Variants in FN1 observed in about 807,000 individuals in gnomAD.
FN1 encodes the protein fibronectin.
A neutral mutation model predicts 297.3 loss-of-function variants in FN1; 106 were observed. That is an observed-to-expected ratio of 0.36 (90% CI 0.30 to 0.42). FN1 has a LOEUF of 0.42. FN1 is among the 10% of genes least tolerant of loss of function. The pLI, the probability that FN1 is intolerant of heterozygous loss-of-function variation, is 1.00. For synonymous variants in FN1, 1,149 were observed against 1,152.6 expected (o/e 1.00, Z 0.06); for missense variants, 2,690 against 3,124.9 (o/e 0.86, Z 3.32).
chr2:215,397,792 T>G lies in FN1; in HGVS notation c.3405A>C (p.Ser1135=). 2 of 1,614,186 alleles carry G rather than the reference T, an allele frequency of 1.2e-6. No individual in the cohort carries two copies. Among genetic ancestry groups the G allele is most frequent in the Admixed American group, 1.7e-5 (1 of 60,028 alleles). Reference sequence around the variant, plus strand: ...TCAAGCCGGACACAACGATGCTTCCTGAGTCTGAAGTCACTTCTCGTGGTG... The same window carrying G: ...TCAAGCCGGACACAACGATGCTTCCGGAGTCTGAAGTCACTTCTCGTGGTG... The part of the protein sequence containing the change: ...GEAPREVTSD[S]GSIVVSGLTP... Residue 1135 remains serine, a synonymous_variant, in exon 22 of 46, where the codon TCA becomes TCC. Coordinates refer to ENST00000354785, the MANE Select transcript of FN1 (RefSeq NM_212482.4).
chr2:215,391,987 A>T (rs2059761801), intron 25 of FN1, 173 bp from the exon 26 acceptor site: 1 of 634,558 alleles, frequency 1.6e-6, no homozygotes, highest in Admixed American at 2.5e-5. Flanking sequence ...TTAAAAATAA[A>T]ACACTACACA....
At chr2:215,428,141 G>GCTT (rs1185076999) in intron 6 of FN1, 39 bp downstream of exon 6, 1 of 1,610,982 alleles carries the variant, frequency 6.2e-7, no homozygotes, top group African/African-American at 1.3e-5. Context: ...TTCTTGACCT[G>GCTT]CTTCCCCATT....
chr2:215,433,543 C>T (rs1342375656), intron 2 of FN1, 82 bp from the exon 3 acceptor site: 1 of 1,380,192 alleles, frequency 7.2e-7, no homozygotes, highest in Non-Finnish European at 1.0e-6. Flanking sequence ...AAGGAAAACC[C>T]ACTTCTCTAT....
chr2:215,378,009 A>G (rs921698029), intron 35 of FN1, among the ~76,000 whole-genome samples, 166 bp downstream of exon 35: 13 of 151,986 alleles, frequency 8.6e-5, no homozygotes, highest in East Asian at 5.8e-4. Flanking sequence ...GGGCCTTGCT[A>G]TTTGCCCGGG....
chr2:215,363,561 C>CT (rs1215140857), intron 44 of FN1: 2 of 152,282 alleles, frequency 1.3e-5, no homozygotes, highest in Non-Finnish European at 2.9e-5. Flanking sequence ...AACACCCCTG[C>CT]TGCCAGATTA....
chr2:215,394,672 C>T lies in FN1; in HGVS notation c.3652G>A (p.Gly1218Arg). The change falls in exon 24 of 46, where the codon GGA (glycine) becomes AGA (arginine). Residue 1218 changes from glycine (G) to arginine (R), a missense_variant. By Grantham distance (125) the Gly-to-Arg change is moderately radical. Transcript: ENST00000354785. ...TGGACCACTTCTTCCAAAGAATTTC[C>T]CTGCTGGCCGTTTGTAGGGGTTGTG... Reference protein sequence around the residue: ...ITTTPTNGQQGNSLEEVVHAD... With the variant: ...ITTTPTNGQQRNSLEEVVHAD... 1 of 1,614,086 alleles carries T rather than the reference C, an allele frequency of 6.2e-7. No homozygotes were observed.
chr2:215,418,834 C>T (rs554454707), intron 12 of FN1, among the ~76,000 whole-genome samples: 133 of 152,290 alleles, frequency 8.7e-4, no homozygotes, highest in African/African-American at 3.1e-3. Context: ...TGAACACGTA[C>T]CTTATGCTGC....
At chr2:215,366,004 G>GA (rs1230416916) in intron 42 of FN1, among the ~76,000 whole-genome samples, 3 of 132,812 alleles carry the variant, frequency 2.3e-5, no homozygotes, top group Non-Finnish European at 4.7e-5. Flanking sequence ...TTTTTGTAGA[G>GA]ATGGGGTTTT....
chr2:215,425,823 C>T (rs566935203), intron 6 of FN1, among the ~76,000 whole-genome samples: 2 of 152,128 alleles, frequency 1.3e-5, no homozygotes, highest in Non-Finnish European at 2.9e-5. Context: ...CCACCCGCTT[C>T]GGCCTCCCAA....
rs1029179179 is a variant in FN1 at position 215,404,536 on chromosome 2, T to C, written c.3106A>G (p.Arg1036Gly). ...GYRLTVGLTR[R>G]GQPRQYNVGP... ...ACATTGTACTGCCTGGGCTGTCCTCTTCGGGTAAGGCCCACGGTCAGTCGG... is the reference window on the plus strand; with the variant it reads ...ACATTGTACTGCCTGGGCTGTCCTCCTCGGGTAAGGCCCACGGTCAGTCGG... The change falls in exon 20 of 46, where the codon AGA (arginine) becomes GGA (glycine). Residue 1036 changes from arginine (R) to glycine (G), a missense_variant. Arg to Gly is a moderately radical substitution (Grantham distance 125). Around this residue, in one of 3 missense-constraint regions of FN1, gnomAD observed 1,743 missense variants for 1,945.2 expected, o/e 0.90. Coordinates refer to ENST00000354785, the MANE Select transcript of FN1 (RefSeq NM_212482.4). 3 of 1,614,006 alleles carry C rather than the reference T, an allele frequency of 1.9e-6. No homozygotes were observed. The highest frequency in any genetic ancestry group is 2.7e-5 in the African/African-American group (2 of 74,914).
chr2:215,361,252 G>T lies in FN1; in HGVS notation c.*303C>A, dbSNP rs2053392006. On this transcript the variant is annotated 3_prime_UTR_variant, in exon 46 of 46. Coordinates refer to ENST00000354785, the MANE Select transcript of FN1 (RefSeq NM_212482.4). ...CAAAACATTTGCATCTTGGTTGGCTGCATATGCTTTCCTATTGATCCCAAA... is the reference window on the plus strand; with the variant it reads ...CAAAACATTTGCATCTTGGTTGGCTTCATATGCTTTCCTATTGATCCCAAA... 1 of 347,570 alleles carries T rather than the reference G, an allele frequency of 2.9e-6. No individual in the cohort carries two copies. Among genetic ancestry groups the T allele is most frequent in the Non-Finnish European group, 5.4e-6 (1 of 185,608 alleles). 21.5% of individuals were successfully genotyped at this position (347,570 alleles called of 1,614,324 possible). A position where few individuals can be genotyped will look rare whatever the true frequency, so the allele number is the denominator to read the frequency against.
chr2:215,395,692 G>A (rs760084282), intron 23 of FN1, among the ~76,000 whole-genome samples: 6 of 152,152 alleles, frequency 3.9e-5, no homozygotes, highest in Non-Finnish European at 8.8e-5. Context: ...AGATTAAAAT[G>A]AGAAAGTATA....
Position 215,428,317 on chromosome 2 carries a change from G to T in FN1, c.707C>A (p.Thr236Lys). 1 of 1,614,100 alleles carries T rather than the reference G, an allele frequency of 6.2e-7. No homozygotes were observed. Among genetic ancestry groups the T allele is most frequent in the Non-Finnish European group, 8.5e-7 (1 of 1,180,000 alleles). Residue 236 changes from threonine (T) to lysine (K), a missense_variant, in exon 6 of 46, where the codon ACA (threonine) becomes AAA (lysine). Coordinates refer to ENST00000354785, the MANE Select transcript of FN1 (RefSeq NM_212482.4). ...GTCTCCAATTCTATAGGATGTCCTTGTGTCCTGATCGTTGCATCTATCTGT... is the reference window on the plus strand; with the variant it reads ...GTCTCCAATTCTATAGGATGTCCTTTTGTCCTGATCGTTGCATCTATCTGT... ...TSRNRCNDQD[T>K]RTSYRIGDTW... is the part of the protein sequence containing the mutation.
intron 17 of FN1, among the ~76,000 whole-genome samples, chr2:215,407,582 T>A (rs2061931093): frequency 6.6e-6 from 1 of 152,198 alleles, no homozygotes; most frequent in South Asian, 2.1e-4. Flanking sequence ...TAAATGTCAA[T>A]TAGAGATGCC....
intron 45 of FN1, 149 bp downstream of exon 45, chr2:215,361,820 T>C: frequency 1.7e-6 from 2 of 1,145,220 alleles, no homozygotes; most frequent in Non-Finnish European, 2.5e-6. Context: ...ACTTAAACTA[T>C]ATTATGGAAT....
chr2:215,395,154 G>A (rs80134685), intron 23 of FN1, among the ~76,000 whole-genome samples: 4,073 of 152,166 alleles, frequency 0.027, 197 homozygotes, highest in African/African-American at 0.093. Flanking sequence ...GTATAGAATC[G>A]CTCTCCACCT....
intron 1 of FN1, 84 bp from the exon 2 acceptor site, chr2:215,434,908 T>A: frequency 7.0e-7 from 1 of 1,419,830 alleles, no homozygotes; most frequent in Non-Finnish European, 9.9e-7. Flanking sequence ...AATATTGACG[T>A]ACATATTTTT....
chr2:215,387,170 G>C (rs1166380992), intron 27 of FN1, among the ~76,000 whole-genome samples: 3 of 152,058 alleles, frequency 2.0e-5, no homozygotes, highest in Non-Finnish European at 4.4e-5. Context: ...ATTCAAAATA[G>C]CCAGCTCAAG....
intron 41 of FN1, among the ~76,000 whole-genome samples, chr2:215,368,472 T>C (rs935083337): frequency 5.9e-5 from 9 of 152,164 alleles, no homozygotes; most frequent in Non-Finnish European, 1.2e-4. Flanking sequence ...TATCTATACC[T>C]CCTGGGGAAT....
Sources: allele counts gnomAD v4.1 joint callset (sites outside exome capture counted in the v4.1 genomes callset), GRCh38; gene constraint gnomAD v4.1.1; regional missense constraint gnomAD v4.1.1; transcripts MANE v1.5; gene names NCBI Gene and HGNC (gene_info 2026-07-23, HGNC 2026-07-21).